TACO1: variants seen among roughly 807,000 people sequenced by gnomAD.
TACO1 encodes translational activator of cytochrome c oxidase I, also known as translational activator of cytochrome c oxidase 1.
Under a neutral mutation model 24.0 loss-of-function variants are expected in TACO1, and 13 were observed. The observed-to-expected ratio is 0.54, with a 90% CI of 0.35 to 0.86. The LOEUF (loss-of-function observed/expected upper bound fraction) is 0.86, where lower values mean the gene tolerates loss of function less well. TACO1 is among the 40% of genes least tolerant of loss of function. TACO1 has a pLI of 0.01. For missense variants in TACO1, 352 were observed against 380.1 expected (o/e 0.93, Z 0.61); for synonymous variants, 149 against 153.5 (o/e 0.97, Z 0.22).
At position 63,608,048 on chromosome 17, in the gene TACO1, C is replaced by A; in HGVS notation, c.*46C>A. 1 of 1,599,670 alleles carries A rather than the reference C, an allele frequency of 6.3e-7. No homozygotes were observed. The highest frequency in any genetic ancestry group is 8.6e-7 in the Non-Finnish European group (1 of 1,169,466). Reference sequence around the variant, plus strand: ...GGTTCCTTCCTAGAAATGTGGCAGCCCATTCCAGCACACAGGCTTCTGCAG... The same window carrying A: ...GGTTCCTTCCTAGAAATGTGGCAGCACATTCCAGCACACAGGCTTCTGCAG... On this transcript the variant is annotated 3_prime_UTR_variant, in exon 5 of 5. Transcript: ENST00000258975.
At chr17:63,601,415 C>T (rs953651716) in intron 1 of TACO1, 52 bp downstream of exon 1, 2 of 1,593,434 alleles carry the variant, frequency 1.3e-6, no homozygotes, top group Middle Eastern at 1.8e-4. Context: ...TCTCAGTGCC[C>T]GCAGCCTCGC....
At position 63,608,010 on chromosome 17, in the gene TACO1, A is replaced by G; in HGVS notation, c.*8A>G. 1 of 1,613,958 alleles carries G rather than the reference A, an allele frequency of 6.2e-7. No homozygotes were observed. The highest frequency in any genetic ancestry group is 1.7e-5 in the Admixed American group (1 of 60,026). ...TATGATAACATTGAATAACCAGGCT[A>G]CATGTGCCCCCGGGTTCCTTCCTAG... is the stretch of plus-strand genomic sequence containing the variant. On this transcript the variant is annotated 3_prime_UTR_variant, in exon 5 of 5. Coordinates refer to ENST00000258975, the MANE Select transcript of TACO1 (RefSeq NM_016360.4).
In TACO1 at chr17:63,600,985, A is replaced by G. The variant is rs2033815245; in HGVS notation, c.-99A>G. On this transcript the variant is annotated 5_prime_UTR_variant, in exon 1 of 5. Transcript: ENST00000258975. ...CCTTTGGATCTCAGGTGACCGGCACAGGCGGCCGCGGGGTCCGGAACTGCT... is the reference window on the plus strand; with the variant it reads ...CCTTTGGATCTCAGGTGACCGGCACGGGCGGCCGCGGGGTCCGGAACTGCT... The G allele has an allele frequency of 2.1e-6, 3 of 1,405,528 alleles. No homozygotes were observed. Among genetic ancestry groups the G allele is most frequent in the South Asian group, 2.5e-5 (2 of 79,870 alleles). The allele number at this position is 1,405,528 out of a possible 1,614,324, so 87.1% of individuals were successfully genotyped here.
chr17:63,607,753 G>A (rs1221194913), intron 4 of TACO1, 49 bp from the exon 5 acceptor site: 10 of 1,565,236 alleles, frequency 6.4e-6, no homozygotes, highest in Non-Finnish European at 8.8e-6. Flanking sequence ...GTGTGGCTTT[G>A]TCTCATTACC....
At chr17:63,602,789 C>A (rs2147786848) in intron 1 of TACO1, among the ~76,000 whole-genome samples, 1 of 152,194 alleles carries the variant, frequency 6.6e-6, no homozygotes, top group Middle Eastern at 3.4e-3. Context: ...CTCCACCTCC[C>A]AAAGTGCTGG....
chr17:63,602,866 A>G (rs766855950), intron 1 of TACO1, among the ~76,000 whole-genome samples: 14 of 152,160 alleles, frequency 9.2e-5, no homozygotes, highest in Non-Finnish European at 1.6e-4. Context: ...TGTGCCAGGC[A>G]TGCCATTGGT....
Position 63,606,382 on chromosome 17 carries a change from T to G in TACO1, c.457T>G (p.Leu153Val). 3 of 1,614,182 alleles carry G rather than the reference T, an allele frequency of 1.9e-6. No homozygotes were observed. The highest frequency in any genetic ancestry group is 2.5e-6 in the Non-Finnish European group (3 of 1,180,024). Residue 153 changes from leucine to valine, a missense_variant, in exon 3 of 5, where the codon TTA becomes GTA. By Grantham distance (32) the Leu-to-Val change is conservative. Transcript: ENST00000258975. The part of the protein sequence containing the change: ...PGGSSLLIEA[L>V]SNSSHKCQAD... ...TGGCTCTTCTCTGCTCATCGAGGCA[T>G]TATCTAACAGTAGCCACAAGTGCCA...
chr17:63,607,494 G>A (rs1568112591), intron 4 of TACO1, 30 bp downstream of exon 4: 3 of 1,612,892 alleles, frequency 1.9e-6, no homozygotes, highest in African/African-American at 1.3e-5. Flanking sequence ...TGTTTGGTGG[G>A]CTTCCGGGAG....
chr17:63,607,780 C>T (rs1288653222), intron 4 of TACO1, 22 bp from the exon 5 acceptor site: 1 of 1,612,212 alleles, frequency 6.2e-7, no homozygotes, highest in Non-Finnish European at 8.5e-7. Flanking sequence ...CTCCTCACCT[C>T]CTGACTTTCC....
chr17:63,601,496 T>C (rs2033821484), intron 1 of TACO1, 133 bp downstream of exon 1: 1 of 971,766 alleles, frequency 1.0e-6, no homozygotes, highest in Admixed American at 2.0e-5. Context: ...GTACCCACCA[T>C]TGCCCACCTC....
chr17:63,605,803 G>A (rs936733316), intron 2 of TACO1, among the ~76,000 whole-genome samples: 3 of 152,178 alleles, frequency 2.0e-5, no homozygotes, highest in Non-Finnish European at 4.4e-5. Flanking sequence ...ATGGACAAGG[G>A]ATGAGTAGGG....
chr17:63,604,354 A>C (rs2033846347), intron 1 of TACO1, among the ~76,000 whole-genome samples, 180 bp from the exon 2 acceptor site: 1 of 152,088 alleles, frequency 6.6e-6, no homozygotes, highest in Admixed American at 6.5e-5. Context: ...AACCAAAAAA[A>C]CCCGAAAATA....
At chr17:63,605,308 A>G (rs2033854410) in intron 2 of TACO1, among the ~76,000 whole-genome samples, 1 of 152,198 alleles carries the variant, frequency 6.6e-6, no homozygotes, top group South Asian at 2.1e-4. Flanking sequence ...GCCAGTAGAA[A>G]GGGAGAGGAT....
chr17:63,604,257 G>A (rs2033845358), intron 1 of TACO1, among the ~76,000 whole-genome samples: 1 of 152,110 alleles, frequency 6.6e-6, no homozygotes, highest in Non-Finnish European at 1.5e-5. Context: ...AGAATCACTT[G>A]AACCCAGGAG....
intron 2 of TACO1, 97 bp from the exon 3 acceptor site, chr17:63,606,216 C>T: frequency 1.4e-6 from 2 of 1,477,220 alleles, no homozygotes; most frequent in East Asian, 2.3e-5. Context: ...CTAGAGAGCC[C>T]ATCCCATGGA....
In TACO1 at chr17:63,601,280, T is replaced by A; in HGVS notation, c.197T>A (p.Val66Asp). 1 of 1,612,746 alleles carries A rather than the reference T, an allele frequency of 6.2e-7. No homozygotes were observed. Reference sequence around the variant, plus strand: ...GCCGGGCACAACAAGTGGTCCAAAGTCAGGCACATCAAGGGTCCGAAGGAC... The same window carrying A: ...GCCGGGCACAACAAGTGGTCCAAAGACAGGCACATCAAGGGTCCGAAGGAC... The part of the protein sequence containing the change: ...VPAGHNKWSK[V>D]RHIKGPKDVE... The change falls in exon 1 of 5, where the codon GTC becomes GAC. Residue 66 changes from valine (V) to aspartate (D), a missense_variant. Transcript: ENST00000258975.
intron 1 of TACO1, 56 bp downstream of exon 1, chr17:63,601,419 G>A (rs1007783879): frequency 6.3e-6 from 10 of 1,586,720 alleles, no homozygotes; most frequent in East Asian, 2.3e-5. Context: ...AGTGCCCGCA[G>A]CCTCGCTTGC....
In TACO1 at chr17:63,608,345, C is replaced by T. The variant is rs116289277; in HGVS notation, c.*343C>T. On this transcript the variant is annotated 3_prime_UTR_variant, in exon 5 of 5. Transcript: ENST00000258975. ...TACTAGAAACTGCTCTTAATAATAACGGTGATTATTGGTTGCTGCATTGCT... is the reference window on the plus strand; with the variant it reads ...TACTAGAAACTGCTCTTAATAATAATGGTGATTATTGGTTGCTGCATTGCT... 2,545 of 376,156 alleles carry T rather than the reference C, an allele frequency of 6.8e-3. 69 individuals carry two copies. Among genetic ancestry groups the T allele is most frequent in the African/African-American group, 0.046 (2,197 of 48,088 alleles). 23.3% of individuals were successfully genotyped at this position (376,156 alleles called of 1,614,324 possible).
In TACO1 at chr17:63,607,784, A is replaced by T; in HGVS notation, c.694-18A>T. ...TTACCTCCTGGCTCCTCACCTCCTGACTTTCCTTTATCCCTAGTTTATTTG... is the reference window on the plus strand; with the variant it reads ...TTACCTCCTGGCTCCTCACCTCCTGTCTTTCCTTTATCCCTAGTTTATTTG... On this transcript the variant is annotated intron_variant, in intron 4 of 4. Coordinates refer to ENST00000258975, the MANE Select transcript of TACO1 (RefSeq NM_016360.4). 1 of 1,612,588 alleles carries T rather than the reference A, an allele frequency of 6.2e-7. No homozygotes were observed. The highest frequency in any genetic ancestry group is 1.3e-5 in the African/African-American group (1 of 74,948).
Sources: allele counts gnomAD v4.1 joint callset (sites outside exome capture counted in the v4.1 genomes callset), GRCh38; gene constraint gnomAD v4.1.1; transcripts MANE v1.5; gene names NCBI Gene and HGNC (gene_info 2026-07-23, HGNC 2026-07-21).